The following PRR20B variants were observed in gnomAD, a reference collection of about 807,000 sequenced individuals.
The protein encoded by PRR20B is proline-rich protein 20B.
At chr13:57,148,219 C>T (rs1184821912) in intron 2 of PRR20B, among the ~76,000 whole-genome samples, 2 of 151,330 alleles carry the variant, frequency 1.3e-5, no homozygotes, top group African/African-American at 4.9e-5. Flanking sequence ...CGAGTCCTCA[C>T]GCTACGTCTT....
intron 2 of PRR20B, 27 bp downstream of exon 2, chr13:57,147,953 CTTT>C: frequency 1.8e-6 from 1 of 570,300 alleles, no homozygotes; most frequent in Non-Finnish European, 3.1e-6. Flanking sequence ...CCACTCCTCT[CTTT>C]TTAATTTCGT....
chr13:57,147,949 CTCT>C, intron 2 of PRR20B, 23 bp downstream of exon 2: 1 of 470,278 alleles, frequency 2.1e-6, no homozygotes, highest in South Asian at 2.3e-5. Flanking sequence ...CCTGCCACTC[CTCT>C]CTTTTTAATT....
At chr13:57,147,772 CCCCTAGAAAGG>C in intron 1 of PRR20B, 71 bp downstream of exon 1, 1 of 338,128 alleles carries the variant, frequency 3.0e-6, no homozygotes, top group Non-Finnish European at 4.9e-6. Flanking sequence ...AATCCTCATT[CCCCTAGAAAGG>C]CCACGGCCAT....
chr13:57,147,793 TC>T, intron 1 of PRR20B, 62 bp from the exon 2 acceptor site: 1 of 389,068 alleles, frequency 2.6e-6, no homozygotes, highest in Non-Finnish European at 4.2e-6. Context: ...GCCACGGCCA[TC>T]CCCCTGCCTT....
intron 2 of PRR20B, among the ~76,000 whole-genome samples, chr13:57,148,616 TTCTC>T (rs1875159176): frequency 6.9e-6 from 1 of 145,936 alleles, no homozygotes; most frequent in African/African-American, 2.6e-5. Flanking sequence ...GACTTTTCCT[TTCTC>T]TGTCTCCCGC....
intron 2 of PRR20B, 45 bp downstream of exon 2, chr13:57,147,971 TC>T: frequency 1.8e-6 from 1 of 564,496 alleles, no homozygotes. Flanking sequence ...TTTCGTCTGT[TC>T]CCCAATTCTT....
At chr13:57,148,244 C>T (rs1298646718) in intron 2 of PRR20B, among the ~76,000 whole-genome samples, 1 of 151,900 alleles carries the variant, frequency 6.6e-6, no homozygotes, top group Non-Finnish European at 1.5e-5. Flanking sequence ...TATGATAAAC[C>T]GGTACTTCCA....
At chr13:57,148,656 CT>C (rs1393934760) in intron 2 of PRR20B, among the ~76,000 whole-genome samples, 1 of 137,606 alleles carries the variant, frequency 7.3e-6, no homozygotes, top group Admixed American at 7.3e-5. Flanking sequence ...AGAATCTTCT[CT>C]TTTTCCTCAG....
At position 57,147,676 on chromosome 13, in the gene PRR20B, TC is replaced by T; in HGVS notation, c.-43del. 1.2e-5 allele frequency: 2 copies of T among 162,130 alleles called. No homozygotes were observed. The highest frequency in any genetic ancestry group is 6.9e-5 in the South Asian group (2 of 28,992). 10.0% of individuals were successfully genotyped at this position (162,130 alleles called of 1,614,324 possible). ...CGAAGAGTCTCCTAATTTTCAGATC[TC>T]CGGAGCCAGCTGTGGGAAGATCAGG... On this transcript the variant is annotated 5_prime_UTR_variant, in exon 1 of 3. Coordinates refer to ENST00000377930, the MANE Select transcript of PRR20B (RefSeq NM_001130404.1).
chr13:57,147,945 ACTC>A lies in PRR20B; in HGVS notation c.52+23_52+25del, dbSNP rs140840239. On this transcript the variant is annotated intron_variant, in intron 2 of 2. Coordinates refer to ENST00000377930, the MANE Select transcript of PRR20B (RefSeq NM_001130404.1). Reference sequence around the variant, plus strand: ...AATCAAGGTACATCAAACGCCTGCCACTCCTCTCTTTTTAATTTCGTCTGTTCC... The same window carrying A: ...AATCAAGGTACATCAAACGCCTGCCACTCTCTTTTTAATTTCGTCTGTTCC... 225,876 of 538,518 alleles carry A rather than the reference ACTC, an allele frequency of 0.42. 55,191 individuals carry two copies. The highest frequency in any genetic ancestry group is 0.52 in the South Asian group (23,319 of 45,044). 33.4% of individuals were successfully genotyped at this position (538,518 alleles called of 1,614,324 possible). A position where few individuals can be genotyped will look rare whatever the true frequency, so the allele number is the denominator to read the frequency against.
chr13:57,148,745 AT>A (rs1875162809), intron 2 of PRR20B, among the ~76,000 whole-genome samples: 1 of 60,256 alleles, frequency 1.7e-5, no homozygotes, highest in Non-Finnish European at 2.9e-5. Flanking sequence ...TCTTTCCATC[AT>A]TTTAGGTTTT....
At position 57,147,583 on chromosome 13, in the gene PRR20B, G is replaced by GGGT. The variant is rs766895153; in HGVS notation, c.-135_-133dup. 9,854 of 64,040 alleles carry GGGT rather than the reference G, an allele frequency of 0.15. 1,086 individuals are homozygous for GGGT. The highest frequency in any genetic ancestry group is 0.39 in the East Asian group (1,066 of 2,704). 4.0% of individuals were successfully genotyped at this position (64,040 alleles called of 1,614,324 possible). On this transcript the variant is annotated 5_prime_UTR_variant, in exon 1 of 3. Transcript: ENST00000377930. ...TGCTCCCTCCAGACTCCCTGGCTGCGGGTGGACTACCTCAGAGCTACAGCG... is the reference window on the plus strand; with the variant it reads ...TGCTCCCTCCAGACTCCCTGGCTGCGGGTGGTGGACTACCTCAGAGCTACAGCG...
At chr13:57,148,385 G>C (rs1875154111) in intron 2 of PRR20B, among the ~76,000 whole-genome samples, 1 of 151,764 alleles carries the variant, frequency 6.6e-6, no homozygotes, top group African/African-American at 2.4e-5. Flanking sequence ...TAACAATAAA[G>C]CATCCACTGA....
chr13:57,147,698 TC>T lies in PRR20B; in HGVS notation c.-22del, dbSNP rs1875139938. ...ATCTCCGGAGCCAGCTGTGGGAAGA[TC>T]AGGTGTGTGTCTGGGGGTCCCGGAG... is the stretch of plus-strand genomic sequence containing the variant. On this transcript the variant is annotated splice_region_variant and 5_prime_UTR_variant, in exon 1 of 3. Transcript: ENST00000377930. 2.6e-5 allele frequency: 5 copies of T among 194,718 alleles called. No individual in the cohort carries two copies. In the East Asian group the frequency reaches 7.0e-4, roughly 27 times the overall value. 12.1% of individuals were successfully genotyped at this position (194,718 alleles called of 1,614,324 possible). A position where few individuals can be genotyped will look rare whatever the true frequency, so the allele number is the denominator to read the frequency against.
chr13:57,147,500 CG>C lies in PRR20B; in HGVS notation c.-219del. 1 of 32,654 alleles carries C rather than the reference CG, an allele frequency of 3.1e-5. No individual in the cohort carries two copies. Among genetic ancestry groups the C allele is most frequent in the East Asian group, 6.3e-4 (1 of 1,578 alleles). 2.0% of individuals were successfully genotyped at this position (32,654 alleles called of 1,614,324 possible). ...CTGCCTTGCTGCCATATAAGAGGGA[CG>C]GCGCTCGGCCTCCAGCAGTCGGCTT... On this transcript the variant is annotated 5_prime_UTR_variant, in exon 1 of 3. Transcript: ENST00000377930.
intron 1 of PRR20B, 41 bp downstream of exon 1, chr13:57,147,742 G>GT: frequency 3.7e-6 from 1 of 268,176 alleles, no homozygotes. Flanking sequence ...CGGATCTCGG[G>GT]TGGGTGCAGT....
Sources: allele counts gnomAD v4.1 joint callset (sites outside exome capture counted in the v4.1 genomes callset), GRCh38; gene constraint gnomAD v4.1.1; transcripts MANE v1.5; gene names NCBI Gene and HGNC (gene_info 2026-07-23, HGNC 2026-07-21).